Variants in LRP1B observed in about 807,000 individuals in gnomAD.
LRP1B encodes the protein LDL receptor related protein 1B, also known as low-density lipoprotein receptor-related protein 1B.
Under a neutral mutation model 556.6 loss-of-function variants are expected in LRP1B, and 217 were observed. The ratio of observed to expected loss-of-function variants is 0.39; its 90% CI spans 0.35 to 0.44. LRP1B has a LOEUF of 0.44. Among genes scored for constraint, LRP1B ranks in the 20% least tolerant of loss-of-function variants. The pLI is 1.00. For synonymous variants in LRP1B, 2,047 were observed against 1,865.8 expected (o/e 1.10, Z -2.50); for missense variants, 5,053 against 5,620.8 (o/e 0.90, Z 3.23).
At chr2:140,300,752 T>G (rs1252815777) in intron 83 of LRP1B, among the ~76,000 whole-genome samples, 1 of 152,116 alleles carries the variant, frequency 6.6e-6, no homozygotes, top group African/African-American at 2.4e-5. Context: ...GTCTATAAAA[T>G]CAACATAATA....
chr2:140,580,944 A>G (rs1224142964), intron 43 of LRP1B, among the ~76,000 whole-genome samples: 1 of 152,170 alleles, frequency 6.6e-6, no homozygotes, highest in Admixed American at 6.5e-5. Context: ...AATATTGTGA[A>G]GCCCAGCTGT....
In LRP1B at chr2:140,516,924, T is replaced by C; in HGVS notation, c.8114A>G (p.Lys2705Arg). 1 of 1,613,428 alleles carries C rather than the reference T, an allele frequency of 6.2e-7. No individual in the cohort carries two copies. The highest frequency in any genetic ancestry group is 1.3e-5 in the African/African-American group (1 of 75,028). Residue 2705 changes from lysine (K) to arginine (R), a missense_variant, in exon 50 of 91, where the codon AAA (lysine) becomes AGA (arginine). By Grantham distance (26) the Lys-to-Arg change is conservative. Transcript: ENST00000389484. Reference sequence around the variant, plus strand: ...TTCATCACGTCCATCCTCACAATCTTTCTGACCATCGCATATCCAGGTATT... The same window carrying C: ...TTCATCACGTCCATCCTCACAATCTCTCTGACCATCGCATATCCAGGTATT... ...ILNTWICDGQ[K>R]DCEDGRDEFH...
intron 1 of LRP1B, among the ~76,000 whole-genome samples, chr2:142,093,435 C>T (rs1039792522): frequency 2.0e-5 from 3 of 152,046 alleles, no homozygotes; most frequent in Admixed American, 6.6e-5. Context: ...AGAGTTAGCT[C>T]CTTTCTATTT....
chr2:141,781,561 A>G (rs532912301), intron 2 of LRP1B, among the ~76,000 whole-genome samples: 36 of 152,320 alleles, frequency 2.4e-4, no homozygotes, highest in African/African-American at 8.2e-4. Flanking sequence ...TTGGTCAACA[A>G]AACTCCATTA....
intron 2 of LRP1B, among the ~76,000 whole-genome samples, chr2:141,707,984 A>C (rs1466721004): frequency 6.6e-6 from 1 of 152,186 alleles, no homozygotes; most frequent in Admixed American, 6.6e-5. Context: ...GTGTTGCTTC[A>C]ATCAGCAGTT....
chr2:141,250,987 T>TCCTACTAAG (rs1446985514), intron 4 of LRP1B, among the ~76,000 whole-genome samples: 2 of 152,202 alleles, frequency 1.3e-5, no homozygotes, highest in East Asian at 3.9e-4. Context: ...TAAAACATTT[T>TCCTACTAAG]CCTACTAAGT....
intron 35 of LRP1B, among the ~76,000 whole-genome samples, chr2:140,731,314 C>G (rs745425088): frequency 6.6e-6 from 1 of 152,124 alleles, no homozygotes; most frequent in Non-Finnish European, 1.5e-5. Context: ...ACAATGTCTT[C>G]CTCCAGCTTT....
Position 141,789,114 on chromosome 2 carries a change from C to A in LRP1B, c.205+21165G>T, listed in dbSNP as rs181545924. ...GATCCCTGAGGAATCGCCACACTGA[C>A]TTCCACAATGGTTGAACTAGTTTAC... On this transcript the variant is annotated intron_variant, in intron 2 of 90. Coordinates refer to ENST00000389484, the MANE Select transcript of LRP1B (RefSeq NM_018557.3). Among the ~76,000 whole-genome samples the A allele has an allele frequency of 3.9e-4, 59 of 152,112 alleles. 1 individual carries two copies. In the East Asian group the frequency reaches 0.011, roughly 27 times the overall value.
chr2:141,101,668 T>G (rs575514249), intron 7 of LRP1B, among the ~76,000 whole-genome samples: 1 of 152,316 alleles, frequency 6.6e-6, no homozygotes, highest in South Asian at 2.1e-4. Context: ...AATGGCAACA[T>G]GAAAGAAAGA....
At chr2:141,233,644 GATTT>G (rs1683550868) in intron 5 of LRP1B, among the ~76,000 whole-genome samples, 1 of 151,932 alleles carries the variant, frequency 6.6e-6, no homozygotes, top group Non-Finnish European at 1.5e-5. Context: ...ACTAAAAGTG[GATTT>G]ATTTACTTAT....
intron 1 of LRP1B, among the ~76,000 whole-genome samples, chr2:142,044,930 A>T (rs753444269): frequency 6.6e-6 from 1 of 151,784 alleles, no homozygotes; most frequent in Non-Finnish European, 1.5e-5. Flanking sequence ...GAGTAGCTGG[A>T]TGGAGCCCAA....
chr2:140,951,641 A>T (rs1189582845), intron 19 of LRP1B, among the ~76,000 whole-genome samples: 1 of 152,206 alleles, frequency 6.6e-6, no homozygotes, highest in African/African-American at 2.4e-5. Context: ...ATTTGAAAAC[A>T]AATCTCTATC....
intron 79 of LRP1B, among the ~76,000 whole-genome samples, chr2:140,332,405 T>C (rs1203958625): frequency 2.0e-5 from 3 of 152,054 alleles, no homozygotes; most frequent in African/African-American, 7.2e-5. Flanking sequence ...GGGTAATACA[T>C]GGAAAGTGTC....
chr2:141,504,290 T>C (rs1574021843), intron 2 of LRP1B, among the ~76,000 whole-genome samples: 1 of 152,144 alleles, frequency 6.6e-6, no homozygotes. Context: ...TAGTGGCTAG[T>C]ATAGGGATGA....
chr2:141,991,277 T>C (rs925336800), intron 1 of LRP1B, among the ~76,000 whole-genome samples: 4 of 152,040 alleles, frequency 2.6e-5, no homozygotes, highest in African/African-American at 7.2e-5. Context: ...GGTCTTTCAG[T>C]GGAAAATCTC....
chr2:140,422,828 C>T (rs1252033926), intron 66 of LRP1B, among the ~76,000 whole-genome samples: 7 of 152,260 alleles, frequency 4.6e-5, no homozygotes, highest in African/African-American at 1.7e-4. Flanking sequence ...TCTACACAAA[C>T]ATTCAATGAA....
chr2:141,231,274 G>A (rs1683451705), intron 5 of LRP1B, among the ~76,000 whole-genome samples: 1 of 152,196 alleles, frequency 6.6e-6, no homozygotes, highest in South Asian at 2.1e-4. Flanking sequence ...GCATGGGCCA[G>A]GATATCAGGC....
chr2:140,394,720 AG>A (rs1684176621), intron 66 of LRP1B, among the ~76,000 whole-genome samples: 1 of 152,206 alleles, frequency 6.6e-6, no homozygotes. Context: ...TCTGTGTCTA[AG>A]GAGAAAGCAA....
chr2:141,096,639 A>G lies in LRP1B; in HGVS notation c.1014-34366T>C, dbSNP rs977406974. The stretch of plus-strand genomic sequence containing the variant: ...AAGACGGGGAGAGGGGGAGAGAGAG[A>G]GAGAGAGAGAGAGAGAGAGAGAGAG... On this transcript the variant is annotated intron_variant, in intron 7 of 90. Coordinates refer to ENST00000389484, the MANE Select transcript of LRP1B (RefSeq NM_018557.3). Among the ~76,000 whole-genome samples the G allele has an allele frequency of 9.2e-4, 69 of 74,892 alleles. 1 individual carries two copies. The highest frequency in any genetic ancestry group is 2.6e-3 in the African/African-American group (55 of 20,900). The allele number at this position is 74,892 out of a possible 152,430, so 49.1% of individuals were successfully genotyped here. A position where few individuals can be genotyped will look rare whatever the true frequency, so the allele number is the denominator to read the frequency against.
Sources: allele counts gnomAD v4.1 joint callset (sites outside exome capture counted in the v4.1 genomes callset), GRCh38; gene constraint gnomAD v4.1.1; transcripts MANE v1.5; gene names NCBI Gene and HGNC (gene_info 2026-07-23, HGNC 2026-07-21).